PIGL: variants seen among roughly 807,000 people sequenced by gnomAD.
PIGL encodes the protein phosphatidylinositol glycan anchor biosynthesis class L.
In PIGL, 22 loss-of-function variants were observed where a neutral mutation model predicts 31.1. The observed-to-expected ratio is 0.71, with a 90% CI of 0.51 to 1.01. The LOEUF is 1.01. Ranked by LOEUF, PIGL falls within the 50% of genes least tolerant of loss-of-function variation. PIGL has a pLI of 0.00. For synonymous variants in PIGL, 131 were observed against 117.4 expected (o/e 1.12, Z -0.75); for missense variants, 302 against 315.9 (o/e 0.96, Z 0.33).
chr17:16,299,862 G>A, intron 2 of PIGL, 26 bp from the exon 3 acceptor site: 1 of 1,548,312 alleles, frequency 6.5e-7, no homozygotes. Context: ...TAGAAAAGGT[G>A]TTCAAGTTGT....
intron 2 of PIGL, among the ~76,000 whole-genome samples, chr17:16,272,023 C>T (rs2092875464): frequency 6.6e-6 from 1 of 152,164 alleles, no homozygotes; most frequent in African/African-American, 2.4e-5. Flanking sequence ...TCCATCCATG[C>T]CCAGCTTAAA....
chr17:16,317,069 A>G, intron 5 of PIGL: 1 of 1,081,872 alleles, frequency 9.2e-7, no homozygotes, highest in Middle Eastern at 4.4e-4. Flanking sequence ...TTGATGAACC[A>G]ATCTGCCTGA....
Position 16,217,366 on chromosome 17 carries a change from T to C in PIGL, c.140T>C (p.Ile47Thr). ...GCCGAAAGCCGGACCCTGCTGGTCA[T>C]AGCGCACCCTGACGATGAAGCCATG... ...LGAESRTLLVIAHPDDEAMFF... is the reference protein window; with the variant it reads ...LGAESRTLLVTAHPDDEAMFF... The change falls in exon 1 of 7, where the codon ATA becomes ACA. Residue 47 changes from isoleucine to threonine, a missense_variant. By Grantham distance (89) the Ile-to-Thr change is moderately conservative. Coordinates refer to ENST00000225609, the MANE Select transcript of PIGL (RefSeq NM_004278.4). 1 of 1,614,206 alleles carries C rather than the reference T, an allele frequency of 6.2e-7. No homozygotes were observed. Among genetic ancestry groups the C allele is most frequent in the Non-Finnish European group, 8.5e-7 (1 of 1,180,030 alleles).
chr17:16,265,152 A>C (rs2092837142), intron 2 of PIGL, among the ~76,000 whole-genome samples: 2 of 152,282 alleles, frequency 1.3e-5, no homozygotes, highest in South Asian at 2.1e-4. Flanking sequence ...GGTAACAGAA[A>C]GGGATTTGGA....
At chr17:16,304,139 G>A (rs1389786126) in intron 3 of PIGL, among the ~76,000 whole-genome samples, 2 of 152,200 alleles carry the variant, frequency 1.3e-5, no homozygotes, top group Middle Eastern at 3.2e-3. Flanking sequence ...TGCTAACACC[G>A]TGGCTAGTGT....
At position 16,326,037 on chromosome 17, in the gene PIGL, G is replaced by A. The variant is rs1299815758; in HGVS notation, c.*139G>A. ...GCAGCCTCTGCAAAAGGGAGCCCAT[G>A]TAGGCCAGGGGCTGTCCAAACTCCA... is the stretch of plus-strand genomic sequence containing the variant. On this transcript the variant is annotated 3_prime_UTR_variant, in exon 7 of 7. Transcript: ENST00000225609. The A allele has an allele frequency of 1.6e-6, 1 of 640,692 alleles. No individual in the cohort carries two copies. Among genetic ancestry groups the A allele is most frequent in the Admixed American group, 2.8e-5 (1 of 35,144 alleles). 39.7% of individuals were successfully genotyped at this position (640,692 alleles called of 1,614,324 possible).
chr17:16,301,496 C>G (rs1475542431), intron 3 of PIGL, among the ~76,000 whole-genome samples: 2 of 151,770 alleles, frequency 1.3e-5, no homozygotes, highest in Non-Finnish European at 2.9e-5. Flanking sequence ...AACTCCTGAC[C>G]TCGTGATCTG....
chr17:16,263,362 T>G (rs1377433779), intron 2 of PIGL, among the ~76,000 whole-genome samples: 3 of 151,934 alleles, frequency 2.0e-5, no homozygotes, highest in Non-Finnish European at 4.4e-5. Flanking sequence ...TTATTTTTAG[T>G]AGATATGAGG....
At chr17:16,302,555 G>C (rs2093009209) in intron 3 of PIGL, among the ~76,000 whole-genome samples, 1 of 151,966 alleles carries the variant, frequency 6.6e-6, no homozygotes, top group Non-Finnish European at 1.5e-5. Flanking sequence ...GAGAACTACT[G>C]GTCTTCCAAA....
chr17:16,297,691 G>C (rs2092988414), intron 2 of PIGL, among the ~76,000 whole-genome samples: 1 of 152,088 alleles, frequency 6.6e-6, no homozygotes, highest in African/African-American at 2.4e-5. Flanking sequence ...TCCTGATCCC[G>C]CTTTATCCCT....
rs142940882 is a variant in PIGL at position 16,297,825 on chromosome 17, A to C, written c.336-2063A>C. ...AAAAGTACAAAGCTGCCCTCTGTAG[A>C]AAACACCCTAAAGCAGAGGTTCCCA... On this transcript the variant is annotated intron_variant, in intron 2 of 6. Coordinates refer to ENST00000225609, the MANE Select transcript of PIGL (RefSeq NM_004278.4). Among the ~76,000 whole-genome samples, 10 of 152,284 alleles carry C rather than the reference A, an allele frequency of 6.6e-5. No homozygotes were observed. The East Asian group carries it at 1.7e-3, about 26-fold the overall frequency.
intron 2 of PIGL, among the ~76,000 whole-genome samples, chr17:16,258,155 G>A (rs1789572799): frequency 7.6e-6 from 1 of 131,758 alleles, no homozygotes; most frequent in East Asian, 2.0e-4. Flanking sequence ...GAGAGAGAGA[G>A]AGAAAACTCG....
At chr17:16,252,726 A>AG (rs1407638931) in intron 2 of PIGL, among the ~76,000 whole-genome samples, 1 of 152,168 alleles carries the variant, frequency 6.6e-6, no homozygotes, top group Non-Finnish European at 1.5e-5. Flanking sequence ...CATTTTGATA[A>AG]TATTTTATTT....
At chr17:16,307,833 C>T (rs909034172) in intron 3 of PIGL, among the ~76,000 whole-genome samples, 1 of 151,516 alleles carries the variant, frequency 6.6e-6, no homozygotes, top group Non-Finnish European at 1.5e-5. Flanking sequence ...TAGCTGGGCC[C>T]GGTGGCACGT....
At chr17:16,258,650 T>C (rs2092807387) in intron 2 of PIGL, among the ~76,000 whole-genome samples, 1 of 152,040 alleles carries the variant, frequency 6.6e-6, no homozygotes, top group African/African-American at 2.4e-5. Flanking sequence ...ATTACAGGCA[T>C]GCACCACCAT....
chr17:16,306,887 C>A (rs1472092357), intron 3 of PIGL, among the ~76,000 whole-genome samples: 2 of 152,112 alleles, frequency 1.3e-5, no homozygotes, highest in Non-Finnish European at 2.9e-5. Flanking sequence ...AGTTCAGAGA[C>A]AGTCAGGAGA....
rs1053032876 is a variant in PIGL at position 16,227,391 on chromosome 17, G to A, written c.236-6580G>A. ...CTCCCAAAGTGCTGGGATTACAGGC[G>A]TGAGCCACCTCACCCAGTGAAAGGT... On this transcript the variant is annotated intron_variant, in intron 1 of 6. Coordinates refer to ENST00000225609, the MANE Select transcript of PIGL (RefSeq NM_004278.4). Among the ~76,000 whole-genome samples the A allele has an allele frequency of 2.0e-5, 3 of 151,900 alleles. No individual in the cohort carries two copies. The South Asian group carries it at 6.2e-4, about 32-fold the overall frequency.
chr17:16,233,710 G>A (rs2092688097), intron 1 of PIGL, among the ~76,000 whole-genome samples: 1 of 152,086 alleles, frequency 6.6e-6, no homozygotes, highest in South Asian at 2.1e-4. Context: ...TCTAGCATGT[G>A]ACTGAAATGC....
intron 5 of PIGL, chr17:16,317,006 A>G: frequency 8.5e-7 from 1 of 1,179,610 alleles, no homozygotes. Context: ...TCCAGTCTGA[A>G]CTCAATCCCA....
Sources: gnomAD v4.1 joint callset for allele counts (sites outside exome capture counted in the v4.1 genomes callset) on GRCh38, gnomAD v4.1.1 for gene constraint, MANE v1.5 for transcripts, NCBI Gene and HGNC (gene_info 2026-07-23, HGNC 2026-07-21) for gene names.